Variants in GBP5 observed in about 807,000 individuals in gnomAD.
GBP5 encodes guanylate-binding protein 5.
A neutral mutation model predicts 58.2 loss-of-function variants in GBP5; 48 were observed. The observed-to-expected ratio is 0.83, with a 90% CI of 0.65 to 1.05. The LOEUF is 1.05. GBP5 is among the 50% of genes least tolerant of loss of function. The probability of loss-of-function intolerance (pLI) is 0.00; values close to 1 mark genes in which losing one functional copy is unlikely to be tolerated. For missense variants in GBP5, 714 were observed against 686.8 expected, an observed-to-expected ratio of 1.04 and a Z score of -0.44; for synonymous variants, 248 against 251.8, an observed-to-expected ratio of 0.98 and a Z score of 0.14.
chr1:89,257,590 A>G lies in GBP5; in HGVS notation c.*3114T>C, dbSNP rs1649830384. ...TAACTTTAATAATGATAACACTAAC[A>G]TACATTGATAATATTGTTTAAAATA... On this transcript the variant is annotated 3_prime_UTR_variant, in exon 12 of 12. Coordinates refer to ENST00000370459, the MANE Select transcript of GBP5 (RefSeq NM_052942.5). Among the ~76,000 whole-genome samples, 1 of 152,220 alleles carries G rather than the reference A, an allele frequency of 6.6e-6. No homozygotes were observed. Among genetic ancestry groups the G allele is most frequent in the Admixed American group, 6.5e-5 (1 of 15,276 alleles).
chr1:89,267,614 C>G (rs1429908008), intron 4 of GBP5, 88 bp from the exon 5 acceptor site: 5 of 771,518 alleles, frequency 6.5e-6, no homozygotes, highest in Non-Finnish European at 1.1e-5. Context: ...AAATGTTTAA[C>G]AAGACAAAAG....
At position 89,269,430 on chromosome 1, in the gene GBP5, C is replaced by T; in HGVS notation, c.126G>A (p.Ala42=). 3 of 1,614,140 alleles carry T rather than the reference C, an allele frequency of 1.9e-6. No individual in the cohort carries two copies. The highest frequency in any genetic ancestry group is 1.1e-5 in the South Asian group (1 of 91,078). ...TGCCAGTGCGATAGAGGCCCACAAT[C>T]GCTACCACAACTACAGGTTGCGTAA... ...SAITQPVVVV[A]IVGLYRTGKS... is the part of the protein sequence containing the mutation. Residue 42 remains alanine (A), a synonymous_variant, in exon 3 of 12, where the codon GCG becomes GCA. Coordinates refer to ENST00000370459, the MANE Select transcript of GBP5 (RefSeq NM_052942.5).
intron 1 of GBP5, chr1:89,271,114 T>C (rs1305250687): frequency 1.3e-5 from 2 of 152,232 alleles, no homozygotes; most frequent in African/African-American, 2.4e-5. Flanking sequence ...ATTGCAGATT[T>C]AATGTGTTCA....
In GBP5 at chr1:89,258,805, A is replaced by C. The variant is rs1649882856; in HGVS notation, c.*1899T>G. 6.6e-6 allele frequency: 1 copy of C among 152,206 alleles called. No individual in the cohort carries two copies. The highest frequency in any genetic ancestry group is 6.5e-5 in the Admixed American group (1 of 15,280). The allele number at this position is 152,206 out of a possible 1,614,324, so 9.4% of individuals were successfully genotyped here. On this transcript the variant is annotated 3_prime_UTR_variant, in exon 12 of 12. Coordinates refer to ENST00000370459, the MANE Select transcript of GBP5 (RefSeq NM_052942.5). ...AAAAAAAATTTTACTGGAGATATACAAAACAAAGTAACAAAAAGTACATAA... is the reference window on the plus strand; with the variant it reads ...AAAAAAAATTTTACTGGAGATATACCAAACAAAGTAACAAAAAGTACATAA...
At chr1:89,265,291 A>G (rs1410882371) in intron 7 of GBP5, among the ~76,000 whole-genome samples, 2 of 152,060 alleles carry the variant, frequency 1.3e-5, no homozygotes, top group Non-Finnish European at 2.9e-5. Flanking sequence ...TTTGACTACA[A>G]TGCTATAGGC....
chr1:89,268,811 C>T lies in GBP5; in HGVS notation c.236G>A (p.Trp79Ter), dbSNP rs532578220. The T allele has an allele frequency of 5.6e-5, 91 of 1,613,634 alleles. No individual in the cohort carries two copies. Among genetic ancestry groups the T allele is most frequent in the Non-Finnish European group, 7.2e-5 (85 of 1,179,782 alleles). The change falls in exon 4 of 12, where the codon TGG (tryptophan) becomes TAG (stop). Residue 79 changes from tryptophan to a stop codon, truncating the protein, a stop_gained. Coordinates refer to ENST00000370459, the MANE Select transcript of GBP5 (RefSeq NM_052942.5). LOFTEE classifies it high-confidence loss of function. ...GTTGGGATGAGGCACACACCATATCCAAATTCCCTTGGTGTGAGACTGCAC... is the reference window on the plus strand; with the variant it reads ...GTTGGGATGAGGCACACACCATATCTAAATTCCCTTGGTGTGAGACTGCAC... ...STVQSHTKGI[W>*]IWCVPHPNWP...
chr1:89,263,813 C>A lies in GBP5; in HGVS notation c.1285G>T (p.Gly429Ter). 1 of 1,613,768 alleles carries A rather than the reference C, an allele frequency of 6.2e-7. No homozygotes were observed. Residue 429 changes from glycine to a stop codon, truncating the protein, a stop_gained, in exon 9 of 12, where the codon GGA becomes TGA. Coordinates refer to ENST00000370459, the MANE Select transcript of GBP5 (RefSeq NM_052942.5). LOFTEE classifies it high-confidence loss of function. ...TTCTGAATGAAGAGATTATGGCCTC[C>A]TGGCTTAGAATAAATTCCCTGCTTC... is the stretch of plus-strand genomic sequence containing the variant. ...AVKQGIYSKP[G>*]GHNLFIQKTE...
In GBP5 at chr1:89,268,735, T is replaced by C. The variant is rs771644463; in HGVS notation, c.312A>G (p.Val104=). The C allele has an allele frequency of 7.4e-6, 12 of 1,613,994 alleles. No homozygotes were observed. Among genetic ancestry groups the C allele is most frequent in the Admixed American group, 5.0e-5 (3 of 60,012 alleles). Residue 104 remains valine, a synonymous_variant, in exon 4 of 12, where the codon GTA becomes GTG. Coordinates refer to ENST00000370459, the MANE Select transcript of GBP5 (RefSeq NM_052942.5). The part of the protein sequence containing the change: ...VLLDTEGLGD[V]EKADNKNDIQ... ...AAAAGGAATCCTTCCTTACCTTCTC[T>C]ACATCTCCCAGGCCCTCGGTGTCAA...
At position 89,267,014 on chromosome 1, in the gene GBP5, C is replaced by G; in HGVS notation, c.568G>C (p.Asp190His). The stretch of plus-strand genomic sequence containing the variant: ...TCATCTGGTGTGACAAGTTGCCCAT[C>G]TATTTCCAGGCCTAAGCAGAAATCT... Reference protein sequence around the residue: ...LRDFCLGLEIDGQLVTPDEYL... With the variant: ...LRDFCLGLEIHGQLVTPDEYL... The change falls in exon 6 of 12, where the codon GAT (aspartate) becomes CAT (histidine). Residue 190 changes from aspartate to histidine, a missense_variant. By Grantham distance (81) the Asp-to-His change is moderately conservative (BLOSUM62 -1). Transcript: ENST00000370459. 6.2e-7 allele frequency: 1 copy of G among 1,612,004 alleles called. No individual in the cohort carries two copies. The highest frequency in any genetic ancestry group is 8.5e-7 in the Non-Finnish European group (1 of 1,179,624).
rs752091819 is a variant in GBP5 at position 89,269,414 on chromosome 1, G to C, written c.142C>G (p.Arg48Gly). 1 of 1,613,990 alleles carries C rather than the reference G, an allele frequency of 6.2e-7. No homozygotes were observed. Among genetic ancestry groups the C allele is most frequent in the Non-Finnish European group, 8.5e-7 (1 of 1,180,008 alleles). ...TTCATCAGGTAGGATTTGCCAGTGC[G>C]ATAGAGGCCCACAATCGCTACCACA... is the stretch of plus-strand genomic sequence containing the variant. ...VVVVAIVGLYRTGKSYLMNKL... is the reference protein window; with the variant it reads ...VVVVAIVGLYGTGKSYLMNKL... Residue 48 changes from arginine (R) to glycine (G), a missense_variant, in exon 3 of 12, where the codon CGC becomes GGC. Transcript: ENST00000370459.
intron 11 of GBP5, 181 bp downstream of exon 11, chr1:89,262,039 G>T (rs1167553584): frequency 1.7e-6 from 1 of 601,840 alleles, no homozygotes; most frequent in East Asian, 2.8e-5. Context: ...AGGCACAGAG[G>T]TGATAGATAA....
At chr1:89,262,853 T>A in intron 9 of GBP5, 68 bp from the exon 10 acceptor site, 1 of 945,164 alleles carries the variant, frequency 1.1e-6, no homozygotes. Context: ...AACATCTTTG[T>A]CTTGTTCCTT....
intron 11 of GBP5, among the ~76,000 whole-genome samples, chr1:89,261,259 G>GT (rs1378067734): frequency 6.6e-6 from 1 of 152,228 alleles, no homozygotes; most frequent in Non-Finnish European, 1.5e-5. Flanking sequence ...CACCACAGAA[G>GT]TAGGAGAAAA....
chr1:89,268,631 G>A (rs1488064938), intron 4 of GBP5, 98 bp downstream of exon 4: 1 of 1,265,926 alleles, frequency 7.9e-7, no homozygotes, highest in African/African-American at 1.5e-5. Context: ...GTATACATTG[G>A]TCAAGTGGAA....
At chr1:89,262,104 T>C in intron 11 of GBP5, 116 bp downstream of exon 11, 1 of 981,340 alleles carries the variant, frequency 1.0e-6, no homozygotes, top group Non-Finnish European at 1.6e-6. Flanking sequence ...TACCCAGACT[T>C]TCTGGCTCCA....
At chr1:89,266,668 C>T (rs1417536679) in intron 6 of GBP5, 80 bp from the exon 7 acceptor site, 1 of 1,247,442 alleles carries the variant, frequency 8.0e-7, no homozygotes, top group Non-Finnish European at 1.1e-6. Flanking sequence ...AATGTCCTTC[C>T]ACCTGATGTC....
intron 1 of GBP5, chr1:89,272,225 ATTTCAAACTCTTAGTTTAG>A (rs1162618722): frequency 6.6e-6 from 1 of 152,234 alleles, no homozygotes; most frequent in Non-Finnish European, 1.5e-5. Context: ...ATTTGAAGGC[ATTTCAAACTCTTAGTTTAG>A]TCACCACACA....
Position 89,269,413 on chromosome 1 carries a change from C to T in GBP5, c.143G>A (p.Arg48His), listed in dbSNP as rs61732537. ...VVVVAIVGLY[R>H]TGKSYLMNKL... ...GTTCATCAGGTAGGATTTGCCAGTG[C>T]GATAGAGGCCCACAATCGCTACCAC... Residue 48 changes from arginine (R) to histidine (H), a missense_variant, in exon 3 of 12, where the codon CGC (arginine) becomes CAC (histidine). Arg to His is a conservative substitution (Grantham distance 29). Coordinates refer to ENST00000370459, the MANE Select transcript of GBP5 (RefSeq NM_052942.5). 758 of 1,614,078 alleles carry T rather than the reference C, an allele frequency of 4.7e-4. 2 individuals are homozygous for T. In the African/African-American group the frequency reaches 9.2e-3, roughly 20 times the overall value.
In GBP5 at chr1:89,266,511, T is replaced by C. The variant is rs61730934; in HGVS notation, c.703A>G (p.Ile235Val). 1.9e-3 allele frequency: 3,063 copies of C among 1,614,062 alleles called. 62 individuals carry two copies. In the African/African-American group the frequency reaches 0.034, roughly 18 times the overall value. Residue 235 changes from isoleucine to valine, a missense_variant, in exon 7 of 12, where the codon ATC becomes GTC. By Grantham distance (29) the Ile-to-Val change is conservative (BLOSUM62 3). Transcript: ENST00000370459. ...QKFFPKKKCF[I>V]FDLPAHQKKL... Reference sequence around the variant, plus strand: ...TTTTGGTGAGCAGGTAAGTCAAAGATAAAGCATTTCTTTTTTGGAAAGAAC... The same window carrying C: ...TTTTGGTGAGCAGGTAAGTCAAAGACAAAGCATTTCTTTTTTGGAAAGAAC...
Sources: gnomAD v4.1 joint callset for allele counts (sites outside exome capture counted in the v4.1 genomes callset) on GRCh38, gnomAD v4.1.1 for gene constraint, MANE v1.5 for transcripts, NCBI Gene and HGNC (gene_info 2026-07-23, HGNC 2026-07-21) for gene names.